The following SMAD3 variants were observed in gnomAD, a reference collection of about 807,000 sequenced individuals.
The protein encoded by SMAD3 is SMAD family member 3.
SMAD3 carries 12 observed loss-of-function variants against 51.8 expected under a neutral mutation model. That is an observed-to-expected ratio of 0.23 (90% CI 0.15 to 0.38). SMAD3 has a LOEUF of 0.38. Among genes scored for constraint, SMAD3 ranks in the 10% least tolerant of loss-of-function variants. The pLI is 1.00. For synonymous variants in SMAD3, 238 were observed against 227.7 expected, an observed-to-expected ratio of 1.05 and a Z score of -0.41; for missense variants, 294 against 565.6, an observed-to-expected ratio of 0.52 and a Z score of 4.87.
At chr15:67,093,759 G>A (rs1266738028) in intron 1 of SMAD3, among the ~76,000 whole-genome samples, 1 of 152,232 alleles carries the variant, frequency 6.6e-6, no homozygotes, top group African/African-American at 2.4e-5. Flanking sequence ...CTGGTTGGGA[G>A]GCGGTTACCT....
intron 1 of SMAD3, among the ~76,000 whole-genome samples, chr15:67,155,530 AC>A (rs1182778657): frequency 3.9e-5 from 6 of 152,162 alleles, no homozygotes; most frequent in African/African-American, 1.2e-4. Flanking sequence ...GCCAAATGGA[AC>A]CGATGCAAGG....
At chr15:67,102,708 A>C (rs750458858) in intron 1 of SMAD3, among the ~76,000 whole-genome samples, 15 of 152,042 alleles carry the variant, frequency 9.9e-5, no homozygotes, top group Non-Finnish European at 2.1e-4. Flanking sequence ...GCAGGGAGTG[A>C]CGTTGAATGG....
intron 1 of SMAD3, among the ~76,000 whole-genome samples, chr15:67,159,954 A>G (rs535137520): frequency 2.0e-5 from 3 of 152,324 alleles, no homozygotes; most frequent in East Asian, 1.9e-4. Context: ...ATTTGGGGCT[A>G]TTACATTCAT....
rs1397686956 is a variant in SMAD3 at position 67,165,319 on chromosome 15, A to G, written c.467A>G (p.Tyr156Cys). 6.2e-7 allele frequency: 1 copy of G among 1,614,144 alleles called. No individual in the cohort carries two copies. The highest frequency in any genetic ancestry group is 8.5e-7 in the Non-Finnish European group (1 of 1,180,012). The change falls in exon 3 of 9, where the codon TAC (tyrosine) becomes TGC (cysteine). Residue 156 changes from tyrosine to cysteine, a missense_variant. Transcript: ENST00000327367. ...IPAEFPPLDD[Y>C]SHSIPENTNF... ...GCCGAGTTCCCCCCACTGGACGACT[A>G]CAGCCATTCCATCCCCGAAAACACT...
intron 1 of SMAD3, among the ~76,000 whole-genome samples, chr15:67,083,563 G>T (rs1489511392): frequency 6.6e-6 from 1 of 152,168 alleles, no homozygotes; most frequent in Non-Finnish European, 1.5e-5. Context: ...CAAACCATAT[G>T]CTGGACATCA....
chr15:67,159,265 T>A (rs928484985), intron 1 of SMAD3, among the ~76,000 whole-genome samples: 1 of 152,128 alleles, frequency 6.6e-6, no homozygotes, highest in Non-Finnish European at 1.5e-5. Context: ...GAGATGGGGT[T>A]TCACCATGTT....
chr15:67,080,212 C>T (rs1321367847), intron 1 of SMAD3, among the ~76,000 whole-genome samples: 1 of 152,196 alleles, frequency 6.6e-6, no homozygotes, highest in African/African-American at 2.4e-5. Flanking sequence ...AAATTATGTC[C>T]TGCTATTCTA....
At chr15:67,104,149 C>T (rs1345697296) in intron 1 of SMAD3, among the ~76,000 whole-genome samples, 3 of 152,060 alleles carry the variant, frequency 2.0e-5, no homozygotes, top group Non-Finnish European at 2.9e-5. Context: ...CCCCCATCTC[C>T]GCCCCCAACT....
At chr15:67,157,520 G>A (rs1273808380) in intron 1 of SMAD3, among the ~76,000 whole-genome samples, 15 of 152,226 alleles carry the variant, frequency 9.9e-5, no homozygotes, top group Admixed American at 8.5e-4. Flanking sequence ...CCGTTTCTGC[G>A]TGCTCACATA....
At position 67,065,714 on chromosome 15, in the gene SMAD3, G is replaced by T; in HGVS notation, c.-441G>T. 1 of 199,518 alleles carries T rather than the reference G, an allele frequency of 5.0e-6. No homozygotes were observed. Among genetic ancestry groups the T allele is most frequent in the African/African-American group, 2.3e-5 (1 of 43,452 alleles). The allele number at this position is 199,518 out of a possible 1,614,324, so 12.4% of individuals were successfully genotyped here. On this transcript the variant is annotated 5_prime_UTR_variant, in exon 1 of 9. In the 5' UTR this introduces an upstream ATG that the reference lacks. Coordinates refer to ENST00000327367, the MANE Select transcript of SMAD3 (RefSeq NM_005902.4). The stretch of plus-strand genomic sequence containing the variant: ...GAGGAGGAGGGTGGCGGGGCGGTGA[G>T]GCCGCAGAGGCGGAGGGATCTGCGC...
At chr15:67,120,988 G>A (rs1193865295) in intron 1 of SMAD3, among the ~76,000 whole-genome samples, 1 of 152,208 alleles carries the variant, frequency 6.6e-6, no homozygotes, top group Non-Finnish European at 1.5e-5. Context: ...TAGAGAAAGT[G>A]CGTTTTCTGT....
chr15:67,135,204 C>T (rs1255880542), intron 1 of SMAD3, among the ~76,000 whole-genome samples: 2 of 152,126 alleles, frequency 1.3e-5, no homozygotes, highest in African/African-American at 4.8e-5. Flanking sequence ...AGGGGCAAAA[C>T]GTGGGTTTGT....
chr15:67,123,325 C>T (rs1455841567), intron 1 of SMAD3, among the ~76,000 whole-genome samples: 1 of 151,954 alleles, frequency 6.6e-6, no homozygotes, highest in Non-Finnish European at 1.5e-5. Context: ...TGGTGAAATT[C>T]CGTTTCTACT....
chr15:67,111,074 A>G (rs1268431829), intron 1 of SMAD3, among the ~76,000 whole-genome samples: 2 of 152,242 alleles, frequency 1.3e-5, no homozygotes, highest in East Asian at 3.8e-4. Context: ...ATGGAGTTGT[A>G]CAACCATCAT....
In SMAD3 at chr15:67,103,317, G is replaced by A. The variant is rs1248606039; in HGVS notation, c.206+36957G>A. ...TCACACAAGGCACATGGCCTCCTTG[G>A]GACTCACTTCACATCACTCGACAAG... On this transcript the variant is annotated intron_variant, in intron 1 of 8. Coordinates refer to ENST00000327367, the MANE Select transcript of SMAD3 (RefSeq NM_005902.4). Among the ~76,000 whole-genome samples, 4 of 152,128 alleles carry A rather than the reference G, an allele frequency of 2.6e-5. No homozygotes were observed. The South Asian group carries it at 8.3e-4, about 31-fold the overall frequency.
At chr15:67,076,432 G>A (rs1024298871) in intron 1 of SMAD3, among the ~76,000 whole-genome samples, 1 of 152,202 alleles carries the variant, frequency 6.6e-6, no homozygotes, top group African/African-American at 2.4e-5. Context: ...AGTGCATGAT[G>A]TTTATTGTTG....
Position 67,166,842 on chromosome 15 carries a change from G to C in SMAD3, c.596G>C (p.Ser199Thr). 1 of 1,591,940 alleles carries C rather than the reference G, an allele frequency of 6.3e-7. No individual in the cohort carries two copies. Among genetic ancestry groups the C allele is most frequent in the Non-Finnish European group, 8.6e-7 (1 of 1,168,606 alleles). ...ACCAGTGACCACCAGATGAACCACA[G>C]CATGGACGCAGGTCAGTCATGCAGG... Reference protein sequence around the residue: ...GETSDHQMNHSMDAGSPNLSP... With the variant: ...GETSDHQMNHTMDAGSPNLSP... The change falls in exon 4 of 9, where the codon AGC (serine) becomes ACC (threonine). Residue 199 changes from serine (S) to threonine (T), a missense_variant. By Grantham distance (58) the Ser-to-Thr change is moderately conservative (BLOSUM62 1). This residue lies in a region of SMAD3 where 29 missense variants were observed against 26.7 expected (regional missense o/e 1.09). Coordinates refer to ENST00000327367, the MANE Select transcript of SMAD3 (RefSeq NM_005902.4).
intron 1 of SMAD3, among the ~76,000 whole-genome samples, chr15:67,130,062 G>T (rs1211868253): frequency 1.3e-5 from 2 of 152,242 alleles, no homozygotes; most frequent in Non-Finnish European, 2.9e-5. Flanking sequence ...CATTAAGGAA[G>T]AAGGGAAACT....
In SMAD3 at chr15:67,065,689, G is replaced by C. The variant is rs913454688; in HGVS notation, c.-466G>C. On this transcript the variant is annotated 5_prime_UTR_variant, in exon 1 of 9. Transcript: ENST00000327367. ...AGCGAGCGAGCGAGCGGCGAGCCGG[G>C]AGGAGGAGGGTGGCGGGGCGGTGAG... Among the ~76,000 whole-genome samples the C allele has an allele frequency of 6.6e-6, 1 of 151,692 alleles. No homozygotes were observed. The highest frequency in any genetic ancestry group is 1.5e-5 in the Non-Finnish European group (1 of 67,860).
Sources: gnomAD v4.1 joint callset for allele counts (sites outside exome capture counted in the v4.1 genomes callset) on GRCh38, gnomAD v4.1.1 for gene constraint, gnomAD v4.1.1 regional missense constraint, MANE v1.5 for transcripts, NCBI Gene and HGNC (gene_info 2026-07-23, HGNC 2026-07-21) for gene names.